Variants in ADGB observed in about 807,000 individuals in gnomAD.
ADGB encodes androglobin, also known as calpain-7-like protein.
A neutral mutation model predicts 210.5 loss-of-function variants in ADGB; 172 were observed. That is an observed-to-expected ratio of 0.82 (90% CI 0.72 to 0.93). The LOEUF is 0.93. Ranked by LOEUF, ADGB falls within the 40% of genes least tolerant of loss-of-function variation. The probability of loss-of-function intolerance (pLI) is 0.00; values close to 1 mark genes in which losing one functional copy is unlikely to be tolerated. For missense variants in ADGB, 2,025 were observed against 1,964.8 expected, an observed-to-expected ratio of 1.03 and a Z score of -0.58; for synonymous variants, 658 against 662.7, an observed-to-expected ratio of 0.99 and a Z score of 0.11.
intron 10 of ADGB, among the ~76,000 whole-genome samples, chr6:146,689,103 C>T (rs1183826032): frequency 1.3e-5 from 2 of 152,084 alleles, no homozygotes; most frequent in Non-Finnish European, 2.9e-5. Context: ...ACTCTTGCAT[C>T]TGTTAGAATG....
intron 13 of ADGB, among the ~76,000 whole-genome samples, chr6:146,705,826 T>C (rs997194524): frequency 1.3e-5 from 2 of 152,094 alleles, no homozygotes; most frequent in African/African-American, 4.8e-5. Flanking sequence ...TTTGTCAGAT[T>C]TTTTTGGAAG....
At chr6:146,803,685 T>A in intron 35 of ADGB, 13 of 1,252,892 alleles carry the variant, frequency 1.0e-5, no homozygotes, top group Non-Finnish European at 1.5e-5. Context: ...TTCCGTTTTT[T>A]AACATTGTGA....
chr6:146,675,327 T>C (rs1311710742), intron 8 of ADGB, among the ~76,000 whole-genome samples: 3 of 151,900 alleles, frequency 2.0e-5, no homozygotes, highest in African/African-American at 7.3e-5. Context: ...AAAGAAAAAT[T>C]AGCAAGTTGT....
chr6:146,801,713 T>G (rs1778135519), intron 34 of ADGB, 115 bp from the exon 35 acceptor site: 1 of 858,598 alleles, frequency 1.2e-6, no homozygotes, highest in Non-Finnish European at 1.7e-6. Flanking sequence ...TAATGTTTTA[T>G]TTGACTCAGA....
rs111647354 is a variant in ADGB at position 146,794,639 on chromosome 6, G to C, written c.4537+6029G>C. ...TGCAAAATTAAATAGTTAAGGAAAGGGGGGTGGGACCTGGGGAATAGGAGA... is the reference window on the plus strand; with the variant it reads ...TGCAAAATTAAATAGTTAAGGAAAGCGGGGTGGGACCTGGGGAATAGGAGA... On this transcript the variant is annotated intron_variant, in intron 33 of 35. Coordinates refer to ENST00000397944, the MANE Select transcript of ADGB (RefSeq NM_024694.4). Among the ~76,000 whole-genome samples, 137 of 152,116 alleles carry C rather than the reference G, an allele frequency of 9.0e-4. 1 individual carries two copies. The highest frequency in any genetic ancestry group is 3.3e-3 in the African/African-American group (135 of 41,496).
chr6:146,686,226 A>G (rs1027629246), intron 10 of ADGB, among the ~76,000 whole-genome samples: 2 of 152,086 alleles, frequency 1.3e-5, no homozygotes, highest in Non-Finnish European at 2.9e-5. Context: ...AGATGATATT[A>G]GTGAATTCAC....
chr6:146,745,041 G>A (rs1274954777), intron 25 of ADGB, among the ~76,000 whole-genome samples: 2 of 151,926 alleles, frequency 1.3e-5, no homozygotes, highest in East Asian at 1.9e-4. Context: ...GTCCTTACTG[G>A]TGTTGCAATT....
chr6:146,613,371 T>C (rs1780740234), intron 1 of ADGB, among the ~76,000 whole-genome samples: 1 of 152,206 alleles, frequency 6.6e-6, no homozygotes, highest in African/African-American at 2.4e-5. Context: ...CCAAAATAAT[T>C]CAATTGTGTA....
At position 146,671,302 on chromosome 6, in the gene ADGB, AG is replaced by A. The variant is rs1174054287; in HGVS notation, c.840-912del. ...GAGACTGGCTTGTGCAGTATTCTTG[AG>A]GGGGGTCTTCTGAGGGCTTCTGCCA... On this transcript the variant is annotated intron_variant, in intron 7 of 35. Transcript: ENST00000397944. Among the ~76,000 whole-genome samples the A allele has an allele frequency of 2.0e-5, 3 of 152,026 alleles. No homozygotes were observed. In the South Asian group the frequency reaches 6.2e-4, roughly 32 times the overall value.
chr6:146,803,622 G>A lies in ADGB; in HGVS notation c.4818+1611G>A, dbSNP rs967130657. The A allele has an allele frequency of 7.4e-5, 100 of 1,349,086 alleles. 3 individuals are homozygous for A. The highest frequency in any genetic ancestry group is 2.6e-5 in the Non-Finnish European group (25 of 946,410). 83.6% of individuals were successfully genotyped at this position (1,349,086 alleles called of 1,614,324 possible). ...TCATGTTCTTATCAGTGAAATTAGA[G>A]ATCTTTTTTTCTAGGAAGATCAATG... is the stretch of plus-strand genomic sequence containing the variant. On this transcript the variant is annotated intron_variant, in intron 35 of 35. Coordinates refer to ENST00000397944, the MANE Select transcript of ADGB (RefSeq NM_024694.4).
At position 146,723,686 on chromosome 6, in the gene ADGB, G is replaced by A. The variant is rs1325368737; in HGVS notation, c.2096-500G>A. On this transcript the variant is annotated intron_variant, in intron 17 of 35. Coordinates refer to ENST00000397944, the MANE Select transcript of ADGB (RefSeq NM_024694.4). ...CAGGAGGTGGAGGTTGCAGTAAACC[G>A]AGATCGCACCACTGCACTTCAGCTT... Among the ~76,000 whole-genome samples the A allele has an allele frequency of 4.6e-5, 7 of 152,230 alleles. No homozygotes were observed. The East Asian group carries it at 1.2e-3, about 25-fold the overall frequency.
chr6:146,780,574 A>C (rs908077829), intron 29 of ADGB, among the ~76,000 whole-genome samples: 1 of 152,306 alleles, frequency 6.6e-6, no homozygotes, highest in East Asian at 1.9e-4. Flanking sequence ...AATAGGGTCT[A>C]AGATGAAAAA....
chr6:146,747,646 A>AT (rs1328811775), intron 26 of ADGB, among the ~76,000 whole-genome samples: 2 of 152,056 alleles, frequency 1.3e-5, no homozygotes, highest in African/African-American at 2.4e-5. Flanking sequence ...AGAAGTATGG[A>AT]TTTTTACATT....
chr6:146,702,382 A>G (rs1434411611), intron 13 of ADGB, among the ~76,000 whole-genome samples: 3 of 151,864 alleles, frequency 2.0e-5, no homozygotes, highest in Non-Finnish European at 4.4e-5. Flanking sequence ...TGACATATTA[A>G]CCCATATATG....
chr6:146,670,304 A>G (rs972529971), intron 7 of ADGB, among the ~76,000 whole-genome samples: 1 of 152,184 alleles, frequency 6.6e-6, no homozygotes, highest in African/African-American at 2.4e-5. Flanking sequence ...TGATCCTCAG[A>G]GATCTACACT....
intron 4 of ADGB, among the ~76,000 whole-genome samples, chr6:146,654,961 AT>A (rs1775758977): frequency 1.3e-5 from 2 of 152,164 alleles, no homozygotes; most frequent in Admixed American, 1.3e-4. Context: ...ATCGCCCCAT[AT>A]CCCCCTCCTT....
intron 27 of ADGB, among the ~76,000 whole-genome samples, chr6:146,763,321 T>A (rs921832423): frequency 6.6e-6 from 1 of 152,192 alleles, no homozygotes; most frequent in Admixed American, 6.5e-5. Context: ...AATTAGAATA[T>A]CCCTGTGTCA....
chr6:146,732,942 A>G (rs1303412768), intron 20 of ADGB, among the ~76,000 whole-genome samples, 178 bp from the exon 21 acceptor site: 1 of 152,200 alleles, frequency 6.6e-6, no homozygotes, highest in Non-Finnish European at 1.5e-5. Flanking sequence ...GAAATAATCA[A>G]ATGATAATTT....
intron 12 of ADGB, among the ~76,000 whole-genome samples, chr6:146,693,373 G>A (rs1489454409): frequency 6.6e-6 from 1 of 152,146 alleles, no homozygotes; most frequent in Non-Finnish European, 1.5e-5. Flanking sequence ...GAAAGGCTAC[G>A]TGAGCACACA....
Sources: gnomAD v4.1 joint callset for allele counts (sites outside exome capture counted in the v4.1 genomes callset) on GRCh38, gnomAD v4.1.1 for gene constraint, MANE v1.5 for transcripts, NCBI Gene and HGNC (gene_info 2026-07-23, HGNC 2026-07-21) for gene names.